The following STK35 variants were observed in gnomAD, a reference collection of about 807,000 sequenced individuals.
The protein encoded by STK35 is serine/threonine-protein kinase 35.
A neutral mutation model predicts 37.3 loss-of-function variants in STK35; 17 were observed. That is an observed-to-expected ratio of 0.46 (90% CI 0.31 to 0.68). The LOEUF (loss-of-function observed/expected upper bound fraction) is 0.68, where lower values mean the gene tolerates loss of function less well. Among genes scored for constraint, STK35 ranks in the 30% least tolerant of loss-of-function variants. The pLI, the probability that STK35 is intolerant of heterozygous loss-of-function variation, is 0.05. For synonymous variants in STK35, 385 were observed against 319.1 expected (o/e 1.21, Z -2.20); for missense variants, 595 against 746.7 (o/e 0.80, Z 2.37).
At chr20:2,113,830 C>A (rs910389663) in intron 2 of STK35, among the ~76,000 whole-genome samples, 1 of 152,212 alleles carries the variant, frequency 6.6e-6, no homozygotes, top group African/African-American at 2.4e-5. Flanking sequence ...GGTATAGTTT[C>A]ATTCTCTCAT....
chr20:2,108,271 G>A (rs1225487261), intron 2 of STK35, among the ~76,000 whole-genome samples: 2 of 152,220 alleles, frequency 1.3e-5, no homozygotes, highest in African/African-American at 4.8e-5. Flanking sequence ...CACTTTGGGA[G>A]GCCGAGGTGG....
chr20:2,136,228 T>G (rs935333750), intron 3 of STK35, among the ~76,000 whole-genome samples: 1 of 152,208 alleles, frequency 6.6e-6, no homozygotes, highest in African/African-American at 2.4e-5. Context: ...AGGCCTCCTG[T>G]TGAGAAGTCA....
chr20:2,132,615 A>G (rs1986019580), intron 3 of STK35, among the ~76,000 whole-genome samples: 1 of 152,252 alleles, frequency 6.6e-6, no homozygotes, highest in South Asian at 2.1e-4. Context: ...GGGAAGATGA[A>G]TTGCCACACT....
At position 2,117,100 on chromosome 20, in the gene STK35, A is replaced by G. The variant is rs765455974; in HGVS notation, c.1327A>G (p.Ile443Val). 6.2e-7 allele frequency: 1 copy of G among 1,613,824 alleles called. No individual in the cohort carries two copies. Among genetic ancestry groups the G allele is most frequent in the African/African-American group, 1.3e-5 (1 of 74,924 alleles). The change falls in exon 3 of 4, where the codon ATC (isoleucine) becomes GTC (valine). Residue 443 changes from isoleucine (I) to valine (V), a missense_variant. Coordinates refer to ENST00000381482, the MANE Select transcript of STK35 (RefSeq NM_080836.4). The surrounding 1 kb of genome is among the most constrained non-coding windows in gnomAD (Gnocchi z 4.4). Reference sequence around the variant, plus strand: ...GGCGGACATCTTTGCCCTGGGCATTATCATCTGGGCAATGATAGAAAGAAT... The same window carrying G: ...GGCGGACATCTTTGCCCTGGGCATTGTCATCTGGGCAATGATAGAAAGAAT... ...AKADIFALGI[I>V]IWAMIERITF... is the part of the protein sequence containing the mutation.
At chr20:2,114,346 A>C (rs1008948883) in intron 2 of STK35, among the ~76,000 whole-genome samples, 2 of 152,216 alleles carry the variant, frequency 1.3e-5, no homozygotes, top group Non-Finnish European at 2.9e-5. Context: ...TGGGAAGCCA[A>C]GGCGGGAGGA....
chr20:2,136,673 C>A (rs1412834917), intron 3 of STK35, among the ~76,000 whole-genome samples: 1 of 152,216 alleles, frequency 6.6e-6, no homozygotes, highest in Non-Finnish European at 1.5e-5. Context: ...TACTAATTCC[C>A]AGTTTCTAGC....
intron 3 of STK35, among the ~76,000 whole-genome samples, chr20:2,136,938 CA>C (rs1309865679): frequency 6.6e-6 from 1 of 152,104 alleles, no homozygotes. Context: ...GATGGGAACC[CA>C]AAGGGTGAAT....
rs1286428773 is a variant in STK35 at position 2,117,630 on chromosome 20, A to T, written c.*37+215A>T. 1.3e-5 allele frequency among the ~76,000 whole-genome samples: 2 copies of T among 152,102 alleles called. No homozygotes were observed. The highest frequency in any genetic ancestry group is 2.9e-5 in the Non-Finnish European group (2 of 68,028). On this transcript the variant is annotated intron_variant, in intron 3 of 3. Transcript: ENST00000381482. This position sits in a 1 kb window ranked among gnomAD's most constrained non-coding sequence, Gnocchi z 4.4. ...CGGCTAATTTTTGTATTTTTAGTAG[A>T]GACGGAGTTTCACCATGTTGGCTAG...
intron 3 of STK35, among the ~76,000 whole-genome samples, chr20:2,128,845 TG>T (rs1156583226): frequency 1.3e-5 from 2 of 152,056 alleles, no homozygotes; most frequent in Admixed American, 6.5e-5. Flanking sequence ...GTGGAATCTG[TG>T]GGGGGTTTTT....
chr20:2,143,729 T>C, intron 3 of STK35, 55 bp from the exon 4 acceptor site: 1 of 341,086 alleles, frequency 2.9e-6, no homozygotes, highest in East Asian at 1.0e-4. Flanking sequence ...GGTTGAGGGC[T>C]GGTGCCCAGG....
At chr20:2,141,713 G>T (rs1235658369) in intron 3 of STK35, among the ~76,000 whole-genome samples, 2 of 152,184 alleles carry the variant, frequency 1.3e-5, no homozygotes, top group African/African-American at 4.8e-5. Flanking sequence ...TGAGGGGTTT[G>T]TGTTTTTACA....
chr20:2,109,818 C>G (rs1421316631), intron 2 of STK35, among the ~76,000 whole-genome samples: 3 of 152,198 alleles, frequency 2.0e-5, no homozygotes, highest in Admixed American at 6.5e-5. Context: ...TCTTAGTGTT[C>G]TAAGAAATTT....
intron 2 of STK35, among the ~76,000 whole-genome samples, chr20:2,114,853 C>G (rs1219100597): frequency 6.6e-6 from 1 of 152,190 alleles, no homozygotes; most frequent in Non-Finnish European, 1.5e-5. Context: ...CTGATGTGGC[C>G]TTTGCAAAAG....
intron 3 of STK35, among the ~76,000 whole-genome samples, chr20:2,123,406 T>C (rs963134522): frequency 5.6e-4 from 85 of 152,328 alleles, no homozygotes; most frequent in African/African-American, 1.9e-3. Context: ...GTGACCTGCG[T>C]TGGCCCCTTG....
chr20:2,134,260 CA>C (rs34068371), intron 3 of STK35, among the ~76,000 whole-genome samples: 2,570 of 119,114 alleles, frequency 0.022, 34 homozygotes, highest in African/African-American at 0.056. Flanking sequence ...ACTCCGTCTC[CA>C]AAAAAAAAAA....
chr20:2,112,159 T>G (rs1241774735), intron 2 of STK35, among the ~76,000 whole-genome samples: 1 of 152,220 alleles, frequency 6.6e-6, no homozygotes, highest in Non-Finnish European at 1.5e-5. Context: ...AGGATAGGCT[T>G]GTAAAAATCT....
intron 3 of STK35, among the ~76,000 whole-genome samples, chr20:2,134,186 G>A (rs1276053475): frequency 6.6e-6 from 1 of 151,716 alleles, no homozygotes; most frequent in Non-Finnish European, 1.5e-5. Flanking sequence ...CTTGAACCCG[G>A]GAGGCAGAGG....
chr20:2,103,292 G>T lies in STK35; in HGVS notation c.819G>T (p.Gly273=). ...QFEECVLQRN[G]LAQRMSHGNK... is the part of the protein sequence containing the mutation. ...AGGAGTGCGTCCTGCAGCGCAATGG[G>T]TTAGCCCAGCGCATGAGTCACGGCA... The change falls in exon 2 of 4, where the codon GGG becomes GGT. Residue 273 remains glycine, a synonymous_variant. Transcript: ENST00000381482. The T allele has an allele frequency of 6.2e-7, 1 of 1,613,140 alleles. No homozygotes were observed. The highest frequency in any genetic ancestry group is 1.3e-5 in the African/African-American group (1 of 75,024).
At position 2,102,682 on chromosome 20, in the gene STK35, GGGA is replaced by G. The variant is rs954762504; in HGVS notation, c.295-77_295-75del. 7.3e-6 allele frequency: 9 copies of G among 1,227,316 alleles called. No homozygotes were observed. In the East Asian group the frequency reaches 1.9e-4, roughly 26 times the overall value. The allele number at this position is 1,227,316 out of a possible 1,614,324, so 76.0% of individuals were successfully genotyped here. A position where few individuals can be genotyped will look rare whatever the true frequency, so the allele number is the denominator to read the frequency against. ...GTCTTAAAGGGGCCGCGGCGGCCGG[GGGA>G]GGAGGAGGTGGGACGCCCCGCGGCC... On this transcript the variant is annotated intron_variant, in intron 1 of 3. Coordinates refer to ENST00000381482, the MANE Select transcript of STK35 (RefSeq NM_080836.4).
Sources: allele counts gnomAD v4.1 joint callset (sites outside exome capture counted in the v4.1 genomes callset), GRCh38; gene constraint gnomAD v4.1.1; non-coding constraint Gnocchi (gnomAD v3.1); transcripts MANE v1.5; gene names NCBI Gene and HGNC (gene_info 2026-07-23, HGNC 2026-07-21).